The following IMMP2L variants were observed in gnomAD, a reference collection of about 807,000 sequenced individuals.
IMMP2L encodes the protein mitochondrial inner membrane protease subunit 2.
A neutral mutation model predicts 19.3 loss-of-function variants in IMMP2L; 18 were observed. That is an observed-to-expected ratio of 0.93 (90% CI 0.64 to 1.38). The LOEUF is 1.38. Ranked by LOEUF, IMMP2L falls within the 40% of genes most tolerant of loss-of-function variation. IMMP2L has a pLI of 0.00. For synonymous variants in IMMP2L, 76 were observed against 73.0 expected (o/e 1.04, Z -0.21); for missense variants, 233 against 218.2 (o/e 1.07, Z -0.43).
chr7:110,833,756 C>T (rs557355452), intron 5 of IMMP2L, among the ~76,000 whole-genome samples: 71 of 152,276 alleles, frequency 4.7e-4, no homozygotes, highest in African/African-American at 1.6e-3. Flanking sequence ...GGTAACTCAG[C>T]TGTCTAAGTG....
At chr7:111,328,666 TG>T (rs1236652948) in intron 3 of IMMP2L, among the ~76,000 whole-genome samples, 2 of 151,660 alleles carry the variant, frequency 1.3e-5, no homozygotes, top group Non-Finnish European at 2.9e-5. Context: ...TGCCCATGGG[TG>T]GGATGTTCAT....
chr7:111,497,621 A>C (rs1747849933), intron 2 of IMMP2L, among the ~76,000 whole-genome samples: 2 of 152,248 alleles, frequency 1.3e-5, no homozygotes, highest in African/African-American at 4.8e-5. Flanking sequence ...AAAAACCTTA[A>C]AAGAATAAAG....
At chr7:111,143,624 CT>C (rs974079337) in intron 3 of IMMP2L, among the ~76,000 whole-genome samples, 4 of 152,058 alleles carry the variant, frequency 2.6e-5, no homozygotes, top group African/African-American at 9.7e-5. Context: ...TGAAAGAATT[CT>C]TTTACAGGCA....
intron 3 of IMMP2L, among the ~76,000 whole-genome samples, chr7:111,211,475 G>A (rs1811302140): frequency 6.6e-6 from 1 of 152,132 alleles, no homozygotes; most frequent in Non-Finnish European, 1.5e-5. Context: ...ATTGAACCAG[G>A]TCAAAACATT....
At chr7:110,906,080 T>C (rs1812423151) in intron 4 of IMMP2L, among the ~76,000 whole-genome samples, 2 of 152,220 alleles carry the variant, frequency 1.3e-5, no homozygotes, top group Non-Finnish European at 1.5e-5. Flanking sequence ...TACAAATTTT[T>C]CCCCAGCCTT....
At chr7:111,054,286 T>C (rs1484191978) in intron 3 of IMMP2L, among the ~76,000 whole-genome samples, 1 of 152,194 alleles carries the variant, frequency 6.6e-6, no homozygotes, top group Non-Finnish European at 1.5e-5. Flanking sequence ...AAATGTCCTT[T>C]TCTCTCCTCA....
At chr7:111,362,139 T>G (rs1829319402) in intron 3 of IMMP2L, among the ~76,000 whole-genome samples, 1 of 152,008 alleles carries the variant, frequency 6.6e-6, no homozygotes, top group Admixed American at 6.6e-5. Flanking sequence ...AGCAACCATT[T>G]TATCAAAAAA....
chr7:110,847,613 A>G lies in IMMP2L; in HGVS notation c.408+38980T>C, dbSNP rs1217562092. ...AGGAAAAAACCTGGAATAGCCACTC[A>G]ATATTGAAGGAGAAGAAGAACATCA... On this transcript the variant is annotated intron_variant, in intron 5 of 5. Transcript: ENST00000405709. Among the ~76,000 whole-genome samples, 5 of 152,170 alleles carry G rather than the reference A, an allele frequency of 3.3e-5. No individual in the cohort carries two copies. In the East Asian group the frequency reaches 9.6e-4, roughly 29 times the overall value.
At chr7:111,149,204 A>G (rs1803811551) in intron 3 of IMMP2L, among the ~76,000 whole-genome samples, 1 of 152,194 alleles carries the variant, frequency 6.6e-6, no homozygotes, top group South Asian at 2.1e-4. Context: ...ACAGCTTGGG[A>G]TATAATTTCA....
chr7:111,307,380 C>A (rs1822995454), intron 3 of IMMP2L, among the ~76,000 whole-genome samples: 1 of 151,704 alleles, frequency 6.6e-6, no homozygotes, highest in African/African-American at 2.4e-5. Context: ...GGTTCCACTC[C>A]TTCTAGTTTC....
At chr7:111,541,796 C>G (rs1034420357) in intron 1 of IMMP2L, among the ~76,000 whole-genome samples, 5 of 152,016 alleles carry the variant, frequency 3.3e-5, no homozygotes, top group Non-Finnish European at 7.4e-5. Flanking sequence ...TAAAGTTTCT[C>G]AGAACCTAAT....
chr7:111,319,878 C>G (rs1304904228), intron 3 of IMMP2L, among the ~76,000 whole-genome samples: 1 of 151,974 alleles, frequency 6.6e-6, no homozygotes, highest in Non-Finnish European at 1.5e-5. Flanking sequence ...CTGCCACATT[C>G]CATGGGAGGT....
chr7:111,417,473 C>T lies in IMMP2L; in HGVS notation c.239+69765G>A, dbSNP rs1005754693. ...ATGTGTAATTAGTTTACCATCTGTT[C>T]CAGTATAGGAATGGCTTCTAGGAAT... On this transcript the variant is annotated intron_variant, in intron 3 of 5. Transcript: ENST00000405709. 2.6e-5 allele frequency among the ~76,000 whole-genome samples: 4 copies of T among 151,676 alleles called. 1 individual carries two copies. Among genetic ancestry groups the T allele is most frequent in the African/African-American group, 7.3e-5 (3 of 41,048 alleles).
intron 3 of IMMP2L, among the ~76,000 whole-genome samples, chr7:111,021,714 C>T (rs1167800331): frequency 6.6e-6 from 1 of 152,202 alleles, no homozygotes; most frequent in Admixed American, 6.5e-5. Context: ...GAAACACCAT[C>T]TCTACTAAAA....
intron 3 of IMMP2L, among the ~76,000 whole-genome samples, chr7:110,980,072 T>C (rs1324419237): frequency 1.3e-5 from 2 of 152,086 alleles, no homozygotes; most frequent in African/African-American, 4.8e-5. Context: ...TGGTCTCATC[T>C]GTACAATAAA....
intron 4 of IMMP2L, among the ~76,000 whole-genome samples, chr7:110,910,266 C>T (rs968878631): frequency 1.4e-4 from 21 of 152,004 alleles, no homozygotes; most frequent in African/African-American, 4.8e-4. Context: ...CTTAAAGAGC[C>T]CTAAAAACTA....
intron 5 of IMMP2L, among the ~76,000 whole-genome samples, chr7:110,843,044 T>C (rs928132773): frequency 3.4e-4 from 52 of 152,304 alleles, no homozygotes; most frequent in African/African-American, 1.1e-3. Context: ...ATGGTTATTA[T>C]TGGATTACTC....
rs1397895958 is a variant in IMMP2L, at chr7:110,810,238, A to C, written c.408+76355T>G. Among the ~76,000 whole-genome samples the C allele has an allele frequency of 3.3e-5, 5 of 152,110 alleles. No individual in the cohort carries two copies. In the South Asian group the frequency reaches 6.2e-4, roughly 19 times the overall value. On this transcript the variant is annotated intron_variant, in intron 5 of 5. Transcript: ENST00000405709. ...TAATTCATTTATCAATATTCAGCTA[A>C]AAAGGACTATAAGAGAATTCACATA...
chr7:110,744,969 T>C (rs1283651698), intron 5 of IMMP2L, among the ~76,000 whole-genome samples: 2 of 152,148 alleles, frequency 1.3e-5, no homozygotes, highest in African/African-American at 4.8e-5. Flanking sequence ...TAAAGGAGCA[T>C]GTCTTAACCC....
Sources: gnomAD v4.1 joint callset for allele counts (sites outside exome capture counted in the v4.1 genomes callset) on GRCh38, gnomAD v4.1.1 for gene constraint, MANE v1.5 for transcripts, NCBI Gene and HGNC (gene_info 2026-07-23, HGNC 2026-07-21) for gene names.